Variants in TMCO5A observed in about 807,000 individuals in gnomAD.
TMCO5A encodes the protein transmembrane and coiled-coil domain-containing protein 5A.
A neutral mutation model predicts 42.3 loss-of-function variants in TMCO5A; 34 were observed. That is an observed-to-expected ratio of 0.80 (90% CI 0.61 to 1.07). TMCO5A has a LOEUF of 1.07. TMCO5A is among the 50% of genes least tolerant of loss of function. The pLI is 0.00. For missense variants in TMCO5A, 357 were observed against 327.9 expected (o/e 1.09, Z -0.69); for synonymous variants, 131 against 115.6 (o/e 1.13, Z -0.86).
the TMCO5A span, among the ~76,000 whole-genome samples, chr15:38,019,841 T>C: frequency 1.3e-5 from 2 of 151,798 alleles, no homozygotes; most frequent in Non-Finnish European, 2.9e-5. Flanking sequence ...CCTGTATCCC[T>C]GGCTTCAAGC....
intron 11 of TMCO5A, among the ~76,000 whole-genome samples, chr15:37,963,022 T>TTTG (rs1041784766): frequency 4.6e-5 from 7 of 152,100 alleles, no homozygotes; most frequent in Non-Finnish European, 8.8e-5. Flanking sequence ...TTGTATTTCT[T>TTTG]TTGTTGTTGT....
chr15:37,935,106 G>A (rs1267587357), intron 1 of TMCO5A, among the ~76,000 whole-genome samples, 151 bp from the exon 2 acceptor site: 1 of 152,098 alleles, frequency 6.6e-6, no homozygotes. Context: ...TCAAAAGGCT[G>A]AGTTTTGTCA....
chr15:37,982,608 ATAAT>A, the TMCO5A span, among the ~76,000 whole-genome samples: 1 of 135,776 alleles, frequency 7.4e-6, no homozygotes, highest in East Asian at 2.0e-4. Flanking sequence ...TTTATAATAT[ATAAT>A]TATATATTAT....
chr15:37,936,243 C>T (rs1889505042), intron 2 of TMCO5A, 71 bp from the exon 3 acceptor site: 1 of 1,523,320 alleles, frequency 6.6e-7, no homozygotes, highest in Non-Finnish European at 8.8e-7. Flanking sequence ...GTTCTAAATA[C>T]CCTTTTTGGC....
At chr15:37,949,408 G>C (rs553763252) in intron 11 of TMCO5A, among the ~76,000 whole-genome samples, 29 of 152,222 alleles carry the variant, frequency 1.9e-4, no homozygotes, top group African/African-American at 7.0e-4. Flanking sequence ...CAGTTTTAAA[G>C]AGCACGGAGT....
the TMCO5A span, among the ~76,000 whole-genome samples, chr15:37,977,406 G>T: frequency 6.6e-6 from 1 of 152,176 alleles, no homozygotes; most frequent in Non-Finnish European, 1.5e-5. Flanking sequence ...GATGTTTTCA[G>T]CAGGCTGAGG....
the TMCO5A span, among the ~76,000 whole-genome samples, chr15:38,008,089 G>A: frequency 1.3e-5 from 2 of 151,560 alleles, no homozygotes; most frequent in Non-Finnish European, 2.9e-5. Flanking sequence ...TAGAGATGGG[G>A]TTTCACCATG....
chr15:37,965,339 G>T (rs994818658), intron 11 of TMCO5A, among the ~76,000 whole-genome samples: 23 of 152,098 alleles, frequency 1.5e-4, no homozygotes, highest in African/African-American at 5.1e-4. Flanking sequence ...AAACTCTCCA[G>T]TACATTGGTC....
the TMCO5A span, among the ~76,000 whole-genome samples, chr15:37,982,536 A>G: frequency 7.1e-6 from 1 of 141,560 alleles, no homozygotes; most frequent in Non-Finnish European, 1.5e-5. Flanking sequence ...TATAATAGAT[A>G]TTATATATTA....
chr15:37,960,224 A>G (rs1890388432), intron 11 of TMCO5A, among the ~76,000 whole-genome samples: 1 of 151,590 alleles, frequency 6.6e-6, no homozygotes, highest in South Asian at 2.1e-4. Context: ...CCATTGTATC[A>G]TTCTTATGCC....
At chr15:37,948,884 G>A (rs1333267609) in intron 11 of TMCO5A, among the ~76,000 whole-genome samples, 1 of 151,964 alleles carries the variant, frequency 6.6e-6, no homozygotes, top group Non-Finnish European at 1.5e-5. Flanking sequence ...GATGTGTCAA[G>A]GGCTTCTGAT....
At chr15:37,972,921 A>G in the TMCO5A span, among the ~76,000 whole-genome samples, 2 of 152,214 alleles carry the variant, frequency 1.3e-5, no homozygotes, top group South Asian at 4.1e-4. Flanking sequence ...TTTTACATAC[A>G]AGTCTCTAAC....
At chr15:38,012,220 G>A in the TMCO5A span, among the ~76,000 whole-genome samples, 1 of 152,238 alleles carries the variant, frequency 6.6e-6, no homozygotes, top group African/African-American at 2.4e-5. Flanking sequence ...ACAACTTCCA[G>A]CCCAGAACAT....
the TMCO5A span, among the ~76,000 whole-genome samples, chr15:38,010,088 G>T: frequency 6.6e-6 from 1 of 151,894 alleles, no homozygotes; most frequent in African/African-American, 2.4e-5. Flanking sequence ...TAAGAGGGAG[G>T]CAGGTCCGGG....
At chr15:38,009,667 A>G in the TMCO5A span, among the ~76,000 whole-genome samples, 1 of 152,202 alleles carries the variant, frequency 6.6e-6, no homozygotes, top group East Asian at 1.9e-4. Flanking sequence ...GCAACACAGC[A>G]GAGCAGTTAG....
chr15:38,026,316 T>C, the TMCO5A span, among the ~76,000 whole-genome samples: 3 of 152,160 alleles, frequency 2.0e-5, no homozygotes, highest in South Asian at 6.2e-4. Flanking sequence ...AGGAACTTTT[T>C]GGGGACTGGA....
the TMCO5A span, among the ~76,000 whole-genome samples, chr15:38,023,737 T>G: frequency 1.3e-5 from 2 of 152,212 alleles, no homozygotes; most frequent in Non-Finnish European, 2.9e-5. Flanking sequence ...AGAGAAAAGA[T>G]TGATCTCTAC....
At chr15:37,936,638 A>G (rs1446360002) in intron 3 of TMCO5A, among the ~76,000 whole-genome samples, 175 bp downstream of exon 3, 1 of 152,122 alleles carries the variant, frequency 6.6e-6, no homozygotes, top group African/African-American at 2.4e-5. Flanking sequence ...TTTCAAATAG[A>G]TTCCTAAAAG....
the TMCO5A span, among the ~76,000 whole-genome samples, chr15:38,034,598 G>T: frequency 6.6e-6 from 1 of 152,054 alleles, no homozygotes; most frequent in Non-Finnish European, 1.5e-5. Context: ...CCAGAGCTCT[G>T]TCCTTAGACC....
Sources: gnomAD v4.1 joint callset for allele counts (sites outside exome capture counted in the v4.1 genomes callset) on GRCh38, gnomAD v4.1.1 for gene constraint, MANE v1.5 for transcripts, NCBI Gene and HGNC (gene_info 2026-07-23, HGNC 2026-07-21) for gene names.